Variants in ANOS1 observed in about 807,000 individuals in gnomAD.
ANOS1 encodes the protein anosmin 1, also known as anosmin-1.
In ANOS1, 6 loss-of-function variants were observed where a neutral mutation model predicts 59.0. That is an observed-to-expected ratio of 0.10 (90% CI 0.06 to 0.20). ANOS1 has a LOEUF of 0.20. Ranked by LOEUF, ANOS1 falls within the 10% of genes least tolerant of loss-of-function variation. The pLI is 1.00. For synonymous variants in ANOS1, 217 were observed against 223.4 expected, an observed-to-expected ratio of 0.97 and a Z score of 0.25; for missense variants, 433 against 542.3, an observed-to-expected ratio of 0.80 and a Z score of 2.00.
At chrX:8,566,563 A>G (rs1601956349) in intron 8 of ANOS1, among the ~76,000 whole-genome samples, 1 of 111,489 alleles carries the variant, frequency 9.0e-6, no homozygotes, top group Admixed American at 9.6e-5. Flanking sequence ...TCCTGGCATT[A>G]GACACAGTGA....
intron 1 of ANOS1, among the ~76,000 whole-genome samples, chrX:8,723,288 G>GA (rs1469984943): frequency 4.4e-5 from 5 of 112,604 alleles, no homozygotes; most frequent in Non-Finnish European, 9.4e-5. Flanking sequence ...CAAAGTGGGA[G>GA]AAAATCTTCA....
chrX:8,701,059 C>A (rs1224046097), intron 1 of ANOS1, among the ~76,000 whole-genome samples: 2 of 111,344 alleles, frequency 1.8e-5, no homozygotes, highest in Non-Finnish European at 3.8e-5. Flanking sequence ...TTATCCTGAA[C>A]ATTAGAATTG....
At chrX:8,596,910 A>G in intron 4 of ANOS1, 124 bp downstream of exon 4, 1 of 1,080,948 alleles carries the variant, frequency 9.3e-7, no homozygotes, top group South Asian at 2.0e-5. Context: ...GTGGTATAAA[A>G]TAAATTTTCT....
At chrX:8,594,722 ATC>A (rs1491127366) in intron 4 of ANOS1, among the ~76,000 whole-genome samples, 19 of 81,784 alleles carry the variant, frequency 2.3e-4, no homozygotes, top group African/African-American at 7.6e-4. Context: ...ACATATATAT[ATC>A]TACATATATA....
chrX:8,722,739 G>A (rs1351335074), intron 1 of ANOS1, among the ~76,000 whole-genome samples: 1 of 111,933 alleles, frequency 8.9e-6, no homozygotes, highest in Non-Finnish European at 1.9e-5. Flanking sequence ...TCCAGTAGTG[G>A]GATTGCTGGA....
intron 2 of ANOS1, among the ~76,000 whole-genome samples, chrX:8,672,502 GTTA>G (rs946530953): frequency 3.6e-5 from 4 of 112,593 alleles, no homozygotes; most frequent in African/African-American, 1.3e-4. Flanking sequence ...GGAGGTCAGT[GTTA>G]TTATCTCTGT....
At chrX:8,667,559 G>C (rs1932168243) in intron 2 of ANOS1, among the ~76,000 whole-genome samples, 1 of 111,877 alleles carries the variant, frequency 8.9e-6, no homozygotes, top group African/African-American at 3.3e-5. Flanking sequence ...CAGAGTTCCA[G>C]AGAATGAAAA....
chrX:8,647,230 G>A (rs1287821609), intron 2 of ANOS1, among the ~76,000 whole-genome samples: 1 of 110,722 alleles, frequency 9.0e-6, no homozygotes, highest in African/African-American at 3.3e-5. Flanking sequence ...GTGAAAGCCC[G>A]AAATGTCTCA....
At position 8,534,400 on chromosome X, in the gene ANOS1, G is replaced by T. The variant is rs1361727908; in HGVS notation, c.1903C>A (p.Gln635Lys). 8.3e-7 allele frequency: 1 copy of T among 1,210,028 alleles called. No homozygotes were observed. The highest frequency in any genetic ancestry group is 2.2e-5 in the Admixed American group (1 of 45,993). Residue 635 changes from glutamine to lysine, a missense_variant, in exon 13 of 14, where the codon CAA becomes AAA. By Grantham distance (53) the Gln-to-Lys change is moderately conservative. Coordinates refer to ENST00000262648, the MANE Select transcript of ANOS1 (RefSeq NM_000216.4). ...RPSTLYRLEV[Q>K]VLTPGGEGPA... ...CCCTCCCCTCCTGGGGTCAGCACTT[G>T]CACTTCCAGTCGGTAAAGAGTAGAT...
chrX:8,670,828 C>T (rs928135325), intron 2 of ANOS1, among the ~76,000 whole-genome samples: 1 of 111,480 alleles, frequency 9.0e-6, no homozygotes, highest in African/African-American at 3.3e-5. Flanking sequence ...CCGGCTGCTC[C>T]TCTTCCAGTC....
intron 2 of ANOS1, among the ~76,000 whole-genome samples, chrX:8,674,457 C>T (rs1932303867): frequency 8.9e-6 from 1 of 112,057 alleles, no homozygotes; most frequent in East Asian, 2.8e-4. Context: ...AAATGTTACC[C>T]GTTGAGTGAT....
intron 8 of ANOS1, among the ~76,000 whole-genome samples, chrX:8,560,736 T>C (rs1427134690): frequency 1.8e-5 from 2 of 112,376 alleles, no homozygotes. Flanking sequence ...GGCCATCCCA[T>C]GCCAAACTTC....
chrX:8,535,408 T>C, intron 12 of ANOS1, 183 bp downstream of exon 12: 2 of 462,107 alleles, frequency 4.3e-6, no homozygotes, highest in Non-Finnish European at 7.7e-6. Context: ...TGCTACTTCT[T>C]AGCTATGCAG....
Position 8,586,242 on chromosome X carries a change from A to G in ANOS1, c.727-846T>C, listed in dbSNP as rs780297975. Among the ~76,000 whole-genome samples the G allele has an allele frequency of 2.7e-5, 3 of 111,924 alleles. No homozygotes were observed. The Admixed American group carries it at 2.9e-4, about 11-fold the overall frequency. ...ACAGGATTGGATTTGAACACTCCCAAACTTCAGATTATAATAACCTCAGCT... is the reference window on the plus strand; with the variant it reads ...ACAGGATTGGATTTGAACACTCCCAGACTTCAGATTATAATAACCTCAGCT... On this transcript the variant is annotated intron_variant, in intron 5 of 13. Coordinates refer to ENST00000262648, the MANE Select transcript of ANOS1 (RefSeq NM_000216.4).
intron 2 of ANOS1, among the ~76,000 whole-genome samples, chrX:8,628,729 TAA>T (rs1410102913): frequency 8.9e-6 from 1 of 112,588 alleles, no homozygotes; most frequent in Non-Finnish European, 1.9e-5. Context: ...GATGATAGAC[TAA>T]AATCATTTCT....
At chrX:8,691,075 C>CT (rs200551447) in intron 2 of ANOS1, among the ~76,000 whole-genome samples, 29,578 of 96,044 alleles carry the variant, frequency 0.31, 4,290 homozygotes, top group East Asian at 0.58. Context: ...AAGGAGAAAT[C>CT]TTTTTTTTTT....
rs1328805368 is a variant in ANOS1, at chrX:8,578,216, T to G, written c.856+7051A>C. On this transcript the variant is annotated intron_variant, in intron 6 of 13. Coordinates refer to ENST00000262648, the MANE Select transcript of ANOS1 (RefSeq NM_000216.4). ...TATTTTAAAAACAATAATATAACTG[T>G]GTCACAAAGTTTTCAACTAAATAGA... is the stretch of plus-strand genomic sequence containing the variant. Among the ~76,000 whole-genome samples the G allele has an allele frequency of 2.7e-5, 3 of 111,165 alleles. No individual in the cohort carries two copies. In the Admixed American group the frequency reaches 2.9e-4, roughly 11 times the overall value.
chrX:8,675,385 T>G (rs1932319932), intron 2 of ANOS1, among the ~76,000 whole-genome samples: 2 of 111,739 alleles, frequency 1.8e-5, no homozygotes, highest in African/African-American at 6.5e-5. Context: ...CCTCAAATCC[T>G]TTACTCTAAG....
At chrX:8,553,912 T>C in intron 9 of ANOS1, 40 bp downstream of exon 9, 1 of 1,158,118 alleles carries the variant, frequency 8.6e-7, no homozygotes, top group East Asian at 3.0e-5. Flanking sequence ...TACTGTGCTG[T>C]TTAAAGCAAG....
Sources: gnomAD v4.1 joint callset for allele counts (sites outside exome capture counted in the v4.1 genomes callset) on GRCh38, gnomAD v4.1.1 for gene constraint, MANE v1.5 for transcripts, NCBI Gene and HGNC (gene_info 2026-07-23, HGNC 2026-07-21) for gene names.